CPNE4: variants seen among roughly 807,000 people sequenced by gnomAD.
The protein encoded by CPNE4 is copine-4.
Under a neutral mutation model 67.9 loss-of-function variants are expected in CPNE4, and 25 were observed. That is an observed-to-expected ratio of 0.37 (90% CI 0.27 to 0.51). The LOEUF (loss-of-function observed/expected upper bound fraction) is 0.51. Ranked by LOEUF, CPNE4 falls within the 20% of genes least tolerant of loss-of-function variation. The probability of loss-of-function intolerance (pLI) is 0.93; values close to 1 mark genes in which losing one functional copy is unlikely to be tolerated. For synonymous variants in CPNE4, 242 were observed against 244.9 expected (o/e 0.99, Z 0.11); for missense variants, 464 against 690.8 (o/e 0.67, Z 3.68).
chr3:131,725,069 T>G (rs115227704), intron 2 of CPNE4, among the ~76,000 whole-genome samples: 2,943 of 152,354 alleles, frequency 0.019, 85 homozygotes, highest in African/African-American at 0.067. Flanking sequence ...GTTTATTGGA[T>G]GTTTTCTGAC....
intron 1 of CPNE4, among the ~76,000 whole-genome samples, chr3:132,002,328 G>T (rs939486866): frequency 3.3e-5 from 5 of 152,112 alleles, no homozygotes; most frequent in African/African-American, 1.2e-4. Context: ...AGGAACTAAG[G>T]CTCTCATTAA....
intron 2 of CPNE4, among the ~76,000 whole-genome samples, chr3:131,904,175 A>C (rs9835574): frequency 0.2 from 31,121 of 152,048 alleles, 3,857 homozygotes; most frequent in Non-Finnish European, 0.27. Context: ...TATTTTACAC[A>C]TGAGTCTTGG....
At chr3:131,848,269 T>C (rs1206258526) in intron 2 of CPNE4, among the ~76,000 whole-genome samples, 1 of 151,992 alleles carries the variant, frequency 6.6e-6, no homozygotes, top group Admixed American at 6.6e-5. Flanking sequence ...CACAAGCAAA[T>C]AAAAAAGGGA....
At chr3:131,559,576 T>G (rs539011126) in intron 11 of CPNE4, among the ~76,000 whole-genome samples, 70 of 152,132 alleles carry the variant, frequency 4.6e-4, no homozygotes, top group African/African-American at 1.6e-3. Context: ...AAAAAATACT[T>G]TGAATCTTTT....
chr3:131,714,125 A>G (rs1248348121), intron 3 of CPNE4, among the ~76,000 whole-genome samples: 1 of 152,154 alleles, frequency 6.6e-6, no homozygotes, highest in Non-Finnish European at 1.5e-5. Context: ...AGGATATTAG[A>G]TAGTATGCAA....
chr3:132,026,505 G>C (rs1224988398), intron 1 of CPNE4, among the ~76,000 whole-genome samples: 1 of 152,102 alleles, frequency 6.6e-6, no homozygotes, highest in East Asian at 1.9e-4. Context: ...TTGGAATAGG[G>C]ATACCCTAAA....
intron 15 of CPNE4, among the ~76,000 whole-genome samples, chr3:131,538,186 T>G (rs1341101928): frequency 6.6e-6 from 1 of 152,272 alleles, no homozygotes; most frequent in East Asian, 1.9e-4. Context: ...CCTCTGATGA[T>G]GGTAATATTC....
At chr3:131,646,369 T>C (rs1311237548) in intron 7 of CPNE4, among the ~76,000 whole-genome samples, 2 of 152,100 alleles carry the variant, frequency 1.3e-5, no homozygotes, top group Non-Finnish European at 2.9e-5. Context: ...ATAGGGAAAA[T>C]ACTCACATAC....
chr3:131,938,677 C>T (rs1481613938), intron 1 of CPNE4, among the ~76,000 whole-genome samples: 1 of 152,064 alleles, frequency 6.6e-6, no homozygotes, highest in Non-Finnish European at 1.5e-5. Flanking sequence ...ACCAACAGAT[C>T]TTGTGCGAAC....
At chr3:131,775,944 C>A (rs988586363) in intron 2 of CPNE4, among the ~76,000 whole-genome samples, 3 of 152,156 alleles carry the variant, frequency 2.0e-5, no homozygotes, top group Admixed American at 2.0e-4. Context: ...TTTAAAGAGG[C>A]CCCTGGCTTC....
At chr3:131,635,663 C>T (rs950216945) in intron 7 of CPNE4, among the ~76,000 whole-genome samples, 2 of 152,162 alleles carry the variant, frequency 1.3e-5, no homozygotes, top group African/African-American at 4.8e-5. Context: ...AATTCTGCTA[C>T]ACAGTATTAT....
At chr3:131,880,205 TC>T (rs1172191501) in intron 2 of CPNE4, among the ~76,000 whole-genome samples, 9 of 150,840 alleles carry the variant, frequency 6.0e-5, no homozygotes, top group African/African-American at 2.2e-4. Context: ...AAGCTCCGCC[TC>T]CCGGGTTCAC....
chr3:131,881,914 C>T (rs2087685406), intron 2 of CPNE4, among the ~76,000 whole-genome samples: 1 of 152,172 alleles, frequency 6.6e-6, no homozygotes, highest in Admixed American at 6.5e-5. Context: ...TACCAGTTCT[C>T]TGCACACAAA....
At chr3:131,867,861 T>G (rs2087023168) in intron 2 of CPNE4, among the ~76,000 whole-genome samples, 1 of 152,172 alleles carries the variant, frequency 6.6e-6, no homozygotes, top group African/African-American at 2.4e-5. Flanking sequence ...TCTACGTTGA[T>G]GGATAATGAA....
chr3:131,569,993 T>C (rs1937252156), intron 10 of CPNE4, among the ~76,000 whole-genome samples: 2 of 151,994 alleles, frequency 1.3e-5, no homozygotes, highest in African/African-American at 4.8e-5. Flanking sequence ...TATATAGTTG[T>C]AATCATAGAG....
At chr3:131,787,225 T>C (rs1357880168) in intron 2 of CPNE4, among the ~76,000 whole-genome samples, 2 of 152,134 alleles carry the variant, frequency 1.3e-5, no homozygotes, top group African/African-American at 4.8e-5. Flanking sequence ...GGGAGGGAGA[T>C]GCTGGATGTC....
intron 1 of CPNE4, among the ~76,000 whole-genome samples, chr3:132,021,351 T>A (rs1348767385): frequency 2.0e-5 from 3 of 152,228 alleles, no homozygotes; most frequent in Non-Finnish European, 2.9e-5. Flanking sequence ...ACTACTTAGC[T>A]ATTTGGCCCA....
chr3:131,583,286 G>C (rs72999230), intron 8 of CPNE4, among the ~76,000 whole-genome samples: 2,571 of 152,158 alleles, frequency 0.017, 61 homozygotes, highest in African/African-American at 0.058. Flanking sequence ...GGTAGAACTT[G>C]ATAAACAAGA....
chr3:131,635,531 C>T (rs976443331), intron 7 of CPNE4, among the ~76,000 whole-genome samples: 1 of 152,210 alleles, frequency 6.6e-6, no homozygotes, highest in Non-Finnish European at 1.5e-5. Context: ...ATTAAAAACT[C>T]AATTCCTCTG....
Sources: gnomAD v4.1 joint callset for allele counts (sites outside exome capture counted in the v4.1 genomes callset) on GRCh38, gnomAD v4.1.1 for gene constraint, MANE v1.5 for transcripts, NCBI Gene and HGNC (gene_info 2026-07-23, HGNC 2026-07-21) for gene names.